Variants in CUX1 observed in about 807,000 individuals in gnomAD.
The protein encoded by CUX1 is protein CASP.
In CUX1, 31 loss-of-function variants were observed where a neutral mutation model predicts 158.8. The observed-to-expected ratio is 0.20, with a 90% CI of 0.15 to 0.26. The LOEUF is 0.26. Ranked by LOEUF, CUX1 falls within the 10% of genes least tolerant of loss-of-function variation. The pLI is 1.00. For synonymous variants in CUX1, 879 were observed against 862.1 expected, an observed-to-expected ratio of 1.02 and a Z score of -0.34; for missense variants, 1,589 against 2,014.6, an observed-to-expected ratio of 0.79 and a Z score of 4.04.
intron 18 of CUX1, among the ~76,000 whole-genome samples, chr7:102,202,449 C>T (rs1397993568): frequency 2.6e-5 from 4 of 152,154 alleles, no homozygotes; most frequent in Admixed American, 2.0e-4. Flanking sequence ...GCCCTTTCGA[C>T]CCCTCACTTG....
intron 1 of CUX1, among the ~76,000 whole-genome samples, chr7:101,823,165 G>A (rs900566445): frequency 1.4e-4 from 22 of 152,116 alleles, no homozygotes; most frequent in Non-Finnish European, 2.2e-4. Flanking sequence ...TGCAGGTACT[G>A]TGGCCACAAA....
chr7:102,247,647 G>A (rs963101549), intron 23 of CUX1, among the ~76,000 whole-genome samples: 4 of 151,916 alleles, frequency 2.6e-5, no homozygotes, highest in Admixed American at 2.6e-4. Flanking sequence ...AACATGGCAA[G>A]ACTCCATCTC....
intron 4 of CUX1, among the ~76,000 whole-genome samples, chr7:102,080,184 A>G (rs1827218279): frequency 6.6e-6 from 1 of 152,144 alleles, no homozygotes; most frequent in Non-Finnish European, 1.5e-5. Flanking sequence ...CCCTCGACAC[A>G]GCACTAGAGT....
intron 2 of CUX1, chr7:101,932,567 T>C (rs1349983625): frequency 2.2e-6 from 1 of 455,540 alleles, no homozygotes; most frequent in Admixed American, 2.4e-5. Context: ...CATCAGCCAC[T>C]GGCAAAGTGA....
chr7:102,280,944 A>G, intron 20 of CUX1: 1 of 1,313,824 alleles, frequency 7.6e-7, no homozygotes, highest in Non-Finnish European at 1.1e-6. Context: ...CCTGCAGCCC[A>G]GGCTGGAGGA....
At chr7:101,919,113 G>A (rs1367817408) in intron 2 of CUX1, among the ~76,000 whole-genome samples, 1 of 152,204 alleles carries the variant, frequency 6.6e-6, no homozygotes, top group Non-Finnish European at 1.5e-5. Flanking sequence ...CATAAGACCA[G>A]AACAGTGGTG....
At chr7:102,061,625 G>A (rs1044935929) in intron 3 of CUX1, among the ~76,000 whole-genome samples, 1 of 152,212 alleles carries the variant, frequency 6.6e-6, no homozygotes, top group Non-Finnish European at 1.5e-5. Context: ...AAACCCTCAT[G>A]TGCCAACAGC....
At chr7:102,169,909 T>C (rs925645305) in intron 9 of CUX1, among the ~76,000 whole-genome samples, 5 of 152,192 alleles carry the variant, frequency 3.3e-5, no homozygotes, top group East Asian at 3.8e-4. Flanking sequence ...AGTGAAGGGT[T>C]AAATATGTTG....
intron 2 of CUX1, among the ~76,000 whole-genome samples, chr7:101,929,585 A>G (rs1330472385): frequency 1.3e-5 from 2 of 152,218 alleles, no homozygotes; most frequent in East Asian, 1.9e-4. Context: ...TGTGAAAGCC[A>G]TATGATTTGG....
At chr7:102,114,118 TC>T (rs1193912759) in intron 7 of CUX1, among the ~76,000 whole-genome samples, 1 of 152,070 alleles carries the variant, frequency 6.6e-6, no homozygotes, top group Non-Finnish European at 1.5e-5. Flanking sequence ...GTGGAAGGAC[TC>T]CCATACCATA....
intron 1 of CUX1, among the ~76,000 whole-genome samples, chr7:101,914,424 C>T (rs1803922200): frequency 7.4e-6 from 1 of 135,566 alleles, no homozygotes; most frequent in Non-Finnish European, 1.6e-5. Flanking sequence ...CTTTCCCTCC[C>T]TCCCTCCGTC....
chr7:102,173,851 C>G (rs1446113451), intron 10 of CUX1, among the ~76,000 whole-genome samples: 7 of 152,120 alleles, frequency 4.6e-5, no homozygotes, highest in Non-Finnish European at 4.4e-5. Flanking sequence ...CGTGGGGCTC[C>G]CCGCGGGCGT....
intron 20 of CUX1, among the ~76,000 whole-genome samples, chr7:102,214,712 AC>A (rs1194934475): frequency 5.3e-5 from 8 of 152,202 alleles, no homozygotes; most frequent in South Asian, 2.1e-4. Context: ...GGCCCGAGGG[AC>A]CTGCCCCGCT....
chr7:102,001,189 C>T (rs975568032), intron 2 of CUX1, among the ~76,000 whole-genome samples: 3 of 152,132 alleles, frequency 2.0e-5, no homozygotes, highest in African/African-American at 7.2e-5. Context: ...ACCTGCCTGC[C>T]TTCTAGATAT....
At chr7:102,247,458 G>A (rs1800934879) in intron 23 of CUX1, among the ~76,000 whole-genome samples, 1 of 152,220 alleles carries the variant, frequency 6.6e-6, no homozygotes, top group Non-Finnish European at 1.5e-5. Context: ...GGTGTACAAA[G>A]AATAAATAGG....
intron 3 of CUX1, among the ~76,000 whole-genome samples, chr7:102,058,310 G>A (rs770301138): frequency 8.6e-5 from 13 of 152,020 alleles, no homozygotes; most frequent in South Asian, 2.1e-4. Context: ...GACAGTCTCC[G>A]TCACTCAGGC....
At chr7:102,095,034 C>T (rs1554483613) in intron 4 of CUX1, among the ~76,000 whole-genome samples, 1 of 151,794 alleles carries the variant, frequency 6.6e-6, no homozygotes, top group South Asian at 2.1e-4. Flanking sequence ...GGATTTCGCT[C>T]TGTTGCCCCG....
intron 8 of CUX1, among the ~76,000 whole-genome samples, chr7:102,141,747 C>G (rs1393747984): frequency 6.6e-6 from 1 of 150,952 alleles, no homozygotes; most frequent in Admixed American, 6.6e-5. Flanking sequence ...CTTAGCCTCC[C>G]GAGTAGCTGG....
chr7:102,021,599 G>A (rs1316760603), intron 2 of CUX1, among the ~76,000 whole-genome samples: 2 of 142,646 alleles, frequency 1.4e-5, no homozygotes, highest in South Asian at 2.2e-4. Context: ...TGAGCTACCA[G>A]ATACTTTTTT....
Sources: allele counts gnomAD v4.1 joint callset (sites outside exome capture counted in the v4.1 genomes callset), GRCh38; gene constraint gnomAD v4.1.1; transcripts MANE v1.5; gene names NCBI Gene and HGNC (gene_info 2026-07-23, HGNC 2026-07-21).